PCDHA4: variants seen among roughly 807,000 people sequenced by gnomAD.
PCDHA4 encodes the protein protocadherin alpha-4.
A neutral mutation model predicts 61.4 loss-of-function variants in PCDHA4; 49 were observed. The observed-to-expected ratio is 0.80, with a 90% CI of 0.63 to 1.01. The LOEUF is 1.01. PCDHA4 is among the 50% of genes least tolerant of loss of function. The pLI, the probability that PCDHA4 is intolerant of heterozygous loss-of-function variation, is 0.00. For missense variants in PCDHA4, 1,254 were observed against 1,235.8 expected (o/e 1.01, Z -0.22); for synonymous variants, 590 against 550.3 (o/e 1.07, Z -1.01).
At chr5:140,979,494 A>C (rs1284874558) in intron 2 of PCDHA4, among the ~76,000 whole-genome samples, 6 of 152,010 alleles carry the variant, frequency 3.9e-5, no homozygotes, top group African/African-American at 1.2e-4. Flanking sequence ...CACCTATTAG[A>C]GCCTCCTCAT....
At chr5:140,944,003 C>T (rs1185007409) in intron 1 of PCDHA4, among the ~76,000 whole-genome samples, 1 of 152,038 alleles carries the variant, frequency 6.6e-6, no homozygotes, top group Admixed American at 6.6e-5. Flanking sequence ...CTACTGAGTA[C>T]CCCCCAAAAG....
intron 1 of PCDHA4, among the ~76,000 whole-genome samples, chr5:140,933,012 A>G (rs1554209160): frequency 6.6e-6 from 1 of 152,008 alleles, no homozygotes; most frequent in Middle Eastern, 3.2e-3. Flanking sequence ...CGGAAATATT[A>G]ACACTTGGCA....
chr5:140,819,792 T>C (rs2150105225), intron 1 of PCDHA4, among the ~76,000 whole-genome samples: 2 of 152,160 alleles, frequency 1.3e-5, no homozygotes, highest in South Asian at 4.1e-4. Flanking sequence ...ACATGAGATA[T>C]TTTTTCCAGA....
At chr5:140,989,619 TC>T (rs2097351060) in intron 3 of PCDHA4, among the ~76,000 whole-genome samples, 1 of 152,196 alleles carries the variant, frequency 6.6e-6, no homozygotes. Flanking sequence ...TGAAAGTCTG[TC>T]CTAGTGACAG....
chr5:140,943,800 A>G (rs1470801059), intron 1 of PCDHA4, among the ~76,000 whole-genome samples: 1 of 152,218 alleles, frequency 6.6e-6, no homozygotes, highest in East Asian at 1.9e-4. Flanking sequence ...GCAAAGCAAA[A>G]GAGGAAAGTT....
chr5:140,940,499 G>A (rs190058542), intron 1 of PCDHA4, among the ~76,000 whole-genome samples: 23 of 151,756 alleles, frequency 1.5e-4, no homozygotes, highest in African/African-American at 3.9e-4. Context: ...GTCTTGCTCC[G>A]TCGCTCAGGC....
intron 2 of PCDHA4, among the ~76,000 whole-genome samples, chr5:140,981,266 A>C (rs1355658823): frequency 6.6e-6 from 1 of 152,166 alleles, no homozygotes; most frequent in Non-Finnish European, 1.5e-5. Context: ...AAGATAAGCA[A>C]ATGTCTAGTT....
chr5:140,833,590 T>C (rs2150209635), intron 1 of PCDHA4, among the ~76,000 whole-genome samples: 1 of 152,296 alleles, frequency 6.6e-6, no homozygotes, highest in East Asian at 1.9e-4. Flanking sequence ...AAACAGTATA[T>C]ATAGATTCTG....
At chr5:140,914,197 T>G (rs2076637069) in intron 1 of PCDHA4, among the ~76,000 whole-genome samples, 1 of 152,234 alleles carries the variant, frequency 6.6e-6, no homozygotes, top group South Asian at 2.1e-4. Flanking sequence ...ATTATTGTAT[T>G]GTGATCTCTA....
chr5:140,960,188 G>A (rs1371016387), intron 1 of PCDHA4, among the ~76,000 whole-genome samples: 7 of 152,132 alleles, frequency 4.6e-5, no homozygotes, highest in Non-Finnish European at 7.4e-5. Flanking sequence ...GGTTGCATGT[G>A]TAGTGGTCAG....
At chr5:140,896,673 G>T (rs962137649) in intron 1 of PCDHA4, among the ~76,000 whole-genome samples, 1 of 152,000 alleles carries the variant, frequency 6.6e-6, no homozygotes, top group African/African-American at 2.4e-5. Context: ...CACTGTGCCC[G>T]GCCCTTTGCC....
chr5:140,818,258 C>CA (rs1399194930), intron 1 of PCDHA4, among the ~76,000 whole-genome samples: 2 of 152,096 alleles, frequency 1.3e-5, no homozygotes, highest in African/African-American at 2.4e-5. Context: ...GTTTTTAAAT[C>CA]ACTTTTTCTC....
At chr5:140,857,413 G>A (rs979396078) in intron 1 of PCDHA4, 1 of 1,598,402 alleles carries the variant, frequency 6.3e-7, no homozygotes, top group African/African-American at 1.3e-5. Context: ...CTGCGTTCGC[G>A]CAGTCCGAGT....
rs2150411102 is a variant in PCDHA4, at chr5:140,848,487, G to A, written c.2385+38915G>A. 8 of 1,574,380 alleles carry A rather than the reference G, an allele frequency of 5.1e-6. No individual in the cohort carries two copies. The Admixed American group carries it at 1.2e-4, about 24-fold the overall frequency. On this transcript the variant is annotated intron_variant, in intron 1 of 3. Coordinates refer to ENST00000530339, the MANE Select transcript of PCDHA4 (RefSeq NM_018907.4). ...TTTTCACTAATTAGAAGAAGACTGA[G>A]TATTTGAAATGTTATACTCAAGTCG...
At position 140,945,942 on chromosome 5, in the gene PCDHA4, A is replaced by G. The variant is rs534164272; in HGVS notation, c.2386-33007A>G. 2.0e-5 allele frequency among the ~76,000 whole-genome samples: 3 copies of G among 152,196 alleles called. No individual in the cohort carries two copies. In the South Asian group the frequency reaches 6.2e-4, roughly 32 times the overall value. ...ACTGATCTGAGCAATGATGTTTTTT[A>G]TATGACCCTGAAAGCACAGGCAATA... On this transcript the variant is annotated intron_variant, in intron 1 of 3. Coordinates refer to ENST00000530339, the MANE Select transcript of PCDHA4 (RefSeq NM_018907.4).
At chr5:140,997,897 A>C (rs13175095) in intron 3 of PCDHA4, among the ~76,000 whole-genome samples, 9,880 of 152,266 alleles carry the variant, frequency 0.065, 363 homozygotes, top group East Asian at 0.12. Flanking sequence ...GATAAATTTC[A>C]AGAAGTAGAA....
At chr5:141,000,833 G>A (rs1554257850) in intron 3 of PCDHA4, among the ~76,000 whole-genome samples, 2 of 151,930 alleles carry the variant, frequency 1.3e-5, no homozygotes, top group Non-Finnish European at 2.9e-5. Flanking sequence ...CTTGAGTCCA[G>A]GAGATCCAGT....
At chr5:140,993,376 G>A (rs577656854) in intron 3 of PCDHA4, among the ~76,000 whole-genome samples, 6 of 151,752 alleles carry the variant, frequency 4.0e-5, no homozygotes, top group Non-Finnish European at 7.4e-5. Context: ...CCTCCCAGCC[G>A]GGTCCCTGAA....
chr5:141,001,842 A>G (rs574186951), intron 3 of PCDHA4, among the ~76,000 whole-genome samples: 108 of 152,288 alleles, frequency 7.1e-4, no homozygotes, highest in Non-Finnish European at 1.3e-3. Context: ...GGAGACAGAG[A>G]GAGAGGTTGA....
Sources: allele counts gnomAD v4.1 joint callset (sites outside exome capture counted in the v4.1 genomes callset), GRCh38; gene constraint gnomAD v4.1.1; transcripts MANE v1.5; gene names NCBI Gene and HGNC (gene_info 2026-07-23, HGNC 2026-07-21).